CADM1: variants seen among roughly 807,000 people sequenced by gnomAD.
CADM1 encodes cell adhesion molecule 1, also known as TSLC-1.
CADM1 carries 15 observed loss-of-function variants against 53.1 expected under a neutral mutation model. The ratio of observed to expected loss-of-function variants is 0.28; its 90% CI spans 0.19 to 0.44. The LOEUF is 0.44. Among genes scored for constraint, CADM1 ranks in the 20% least tolerant of loss-of-function variants. CADM1 has a pLI of 1.00. For missense variants in CADM1, 434 were observed against 611.3 expected (o/e 0.71, Z 3.06); for synonymous variants, 281 against 243.0 (o/e 1.16, Z -1.45).
In CADM1 at chr11:115,340,647, TATATA is replaced by T. The variant is rs1404202249; in HGVS notation, c.125-100232_125-100228del. On this transcript the variant is annotated intron_variant, in intron 1 of 11. Coordinates refer to ENST00000331581, the MANE Select transcript of CADM1 (RefSeq NM_001301043.2). ...AATATTATATATATATATATATATA[TATATA>T]TATATATTTTTTTTTTTTTTTTTTT... is the stretch of plus-strand genomic sequence containing the variant. Among the ~76,000 whole-genome samples, 274 of 41,362 alleles carry T rather than the reference TATATA, an allele frequency of 6.6e-3. 4 individuals are homozygous for T. The highest frequency in any genetic ancestry group is 0.014 in the African/African-American group (158 of 11,536). 27.1% of individuals were successfully genotyped at this position (41,362 alleles called of 152,430 possible).
intron 1 of CADM1, among the ~76,000 whole-genome samples, chr11:115,346,739 C>G (rs1259280414): frequency 6.6e-6 from 1 of 152,094 alleles, no homozygotes; most frequent in Non-Finnish European, 1.5e-5. Flanking sequence ...TCTGGAGTCC[C>G]CCAGAATCCA....
chr11:115,402,224 C>G (rs1455384830), intron 1 of CADM1, among the ~76,000 whole-genome samples: 1 of 152,044 alleles, frequency 6.6e-6, no homozygotes, highest in African/African-American at 2.4e-5. Context: ...TAATGCCTAA[C>G]ATATAAAAAG....
chr11:115,372,877 C>T (rs1215386506), intron 1 of CADM1, among the ~76,000 whole-genome samples: 1 of 152,178 alleles, frequency 6.6e-6, no homozygotes, highest in Non-Finnish European at 1.5e-5. Flanking sequence ...TAACCTAAAC[C>T]AGGCCTGGAT....
chr11:115,367,291 T>C (rs946127726), intron 1 of CADM1, among the ~76,000 whole-genome samples: 8 of 152,206 alleles, frequency 5.3e-5, no homozygotes, highest in Non-Finnish European at 1.2e-4. Flanking sequence ...CTGAACGTTG[T>C]TAGAGATTAA....
At chr11:115,307,675 G>T (rs1944414284) in intron 1 of CADM1, among the ~76,000 whole-genome samples, 1 of 151,760 alleles carries the variant, frequency 6.6e-6, no homozygotes, top group Admixed American at 6.6e-5. Context: ...TTGAGTCTAT[G>T]TAAGGTGAGA....
Position 115,404,985 on chromosome 11 carries a change from A to ACC in CADM1, c.124+99285_124+99286insGG, listed in dbSNP as rs1361644123. Among the ~76,000 whole-genome samples, 15 of 152,316 alleles carry ACC rather than the reference A, an allele frequency of 9.8e-5. No individual in the cohort carries two copies. In the South Asian group the frequency reaches 2.9e-3, roughly 29 times the overall value. Reference sequence around the variant, plus strand: ...ATTCTCAACCTTACAAGTCAGTGAAATGCAGATTTTTGTTGTTGTTAAAGA... The same window carrying ACC: ...ATTCTCAACCTTACAAGTCAGTGAAACCTGCAGATTTTTGTTGTTGTTAAAGA... On this transcript the variant is annotated intron_variant, in intron 1 of 11. Transcript: ENST00000331581.
intron 1 of CADM1, among the ~76,000 whole-genome samples, chr11:115,478,979 G>C (rs193172602): frequency 6.6e-6 from 1 of 152,052 alleles, no homozygotes; most frequent in Non-Finnish European, 1.5e-5. Context: ...CTATGCAGCA[G>C]TTACATCTTT....
At position 115,451,290 on chromosome 11, in the gene CADM1, G is replaced by A. The variant is rs570680518; in HGVS notation, c.124+52981C>T. Among the ~76,000 whole-genome samples, 10 of 152,246 alleles carry A rather than the reference G, an allele frequency of 6.6e-5. No homozygotes were observed. The East Asian group carries it at 7.7e-4, about 12-fold the overall frequency. ...CTAACAGCCACTTATTTTATATTAC[G>A]ATTGTTCCACTATGGAAAGGGCTGT... On this transcript the variant is annotated intron_variant, in intron 1 of 11. Coordinates refer to ENST00000331581, the MANE Select transcript of CADM1 (RefSeq NM_001301043.2).
intron 1 of CADM1, among the ~76,000 whole-genome samples, chr11:115,495,330 T>C (rs957773074): frequency 3.3e-5 from 5 of 152,162 alleles, no homozygotes; most frequent in Non-Finnish European, 5.9e-5. Flanking sequence ...ACATAACCCA[T>C]TCCCCAAAAC....
chr11:115,250,264 C>A (rs1423929617), intron 1 of CADM1, among the ~76,000 whole-genome samples: 1 of 152,172 alleles, frequency 6.6e-6, no homozygotes, highest in East Asian at 1.9e-4. Context: ...ATCCTCAAGT[C>A]TCAATGGAGA....
chr11:115,237,303 C>T (rs1406912999), intron 3 of CADM1, among the ~76,000 whole-genome samples: 1 of 152,086 alleles, frequency 6.6e-6, no homozygotes, highest in Non-Finnish European at 1.5e-5. Flanking sequence ...ACGTGAAAGC[C>T]ATCTATCATT....
chr11:115,262,083 G>A (rs934367201), intron 1 of CADM1, among the ~76,000 whole-genome samples: 2 of 151,608 alleles, frequency 1.3e-5, no homozygotes, highest in South Asian at 2.1e-4. Context: ...ATATTTTTAC[G>A]ATTCAGTTTT....
chr11:115,413,888 C>T (rs907336693), intron 1 of CADM1, among the ~76,000 whole-genome samples: 4 of 152,012 alleles, frequency 2.6e-5, no homozygotes, highest in Admixed American at 1.3e-4. Flanking sequence ...CATGATCCAC[C>T]CGCCTCGGAC....
intron 1 of CADM1, among the ~76,000 whole-genome samples, chr11:115,274,679 C>T (rs761923778): frequency 2.6e-5 from 4 of 152,182 alleles, no homozygotes; most frequent in South Asian, 2.1e-4. Flanking sequence ...AACCACAGGA[C>T]GAGATTTTGA....
At chr11:115,284,087 A>ACTCTCTCTCTCTCTCTCTCT (rs141079093) in intron 1 of CADM1, among the ~76,000 whole-genome samples, 2,382 of 46,330 alleles carry the variant, frequency 0.051, 208 homozygotes, top group Non-Finnish European at 0.061. Flanking sequence ...AAGCCCAGAC[A>ACTCTCTCTCTCTCTCTCTCT]CTCTCTCTCT....
rs577064054 is a variant in CADM1 at position 115,240,575 on chromosome 11, C to T, written c.125-155G>A. 2.4e-4 allele frequency among the ~76,000 whole-genome samples: 36 copies of T among 152,228 alleles called. No individual in the cohort carries two copies. The South Asian group carries it at 2.5e-3, about 11-fold the overall frequency. ...ATACCTTTCTTTGTAGTCTACAAAA[C>T]GAGTCTGTTAATCGAAGACAGATCA... On this transcript the variant is annotated intron_variant, in intron 1 of 11. Transcript: ENST00000331581.
At chr11:115,442,151 A>C (rs1489736272) in intron 1 of CADM1, among the ~76,000 whole-genome samples, 1 of 151,886 alleles carries the variant, frequency 6.6e-6, no homozygotes, top group Non-Finnish European at 1.5e-5. Flanking sequence ...ACAGTCAAGG[A>C]TGTCACACTA....
At chr11:115,497,137 A>C (rs965331499) in intron 1 of CADM1, among the ~76,000 whole-genome samples, 3 of 152,240 alleles carry the variant, frequency 2.0e-5, no homozygotes, top group African/African-American at 7.2e-5. Flanking sequence ...TGCCAAGAGC[A>C]AGATACTTAT....
At chr11:115,424,184 T>C (rs1364180134) in intron 1 of CADM1, among the ~76,000 whole-genome samples, 1 of 152,226 alleles carries the variant, frequency 6.6e-6, no homozygotes, top group Non-Finnish European at 1.5e-5. Flanking sequence ...CACAGCTAAC[T>C]AATAGCTCCA....
Sources: gnomAD v4.1 joint callset for allele counts (sites outside exome capture counted in the v4.1 genomes callset) on GRCh38, gnomAD v4.1.1 for gene constraint, MANE v1.5 for transcripts, NCBI Gene and HGNC (gene_info 2026-07-23, HGNC 2026-07-21) for gene names.